EPHA5: variants seen among roughly 807,000 people sequenced by gnomAD.
The protein encoded by EPHA5 is EPH receptor A5.
A neutral mutation model predicts 105.0 loss-of-function variants in EPHA5; 60 were observed. That is an observed-to-expected ratio of 0.57 (90% CI 0.46 to 0.71). EPHA5 has a LOEUF of 0.71. Among genes scored for constraint, EPHA5 ranks in the 30% least tolerant of loss-of-function variants. The pLI is 0.00. For synonymous variants in EPHA5, 513 were observed against 449.1 expected, an observed-to-expected ratio of 1.14 and a Z score of -1.80; for missense variants, 1,218 against 1,274.7, an observed-to-expected ratio of 0.96 and a Z score of 0.68.
intron 2 of EPHA5, among the ~76,000 whole-genome samples, chr4:65,626,872 C>T (rs538195791): frequency 6.6e-6 from 1 of 152,236 alleles, no homozygotes; most frequent in Admixed American, 6.5e-5. Context: ...TAGTTTCTCA[C>T]TTATGTAAAT....
intron 7 of EPHA5, among the ~76,000 whole-genome samples, chr4:65,406,348 C>T (rs1375316908): frequency 6.6e-6 from 1 of 152,288 alleles, no homozygotes; most frequent in Admixed American, 6.5e-5. Context: ...GAGTGCTTCT[C>T]TATTTAACTT....
intron 8 of EPHA5, among the ~76,000 whole-genome samples, chr4:65,403,430 T>C (rs139463373): frequency 0.015 from 2,279 of 152,008 alleles, 34 homozygotes; most frequent in Middle Eastern, 0.038. Context: ...AATATTTCCA[T>C]GAAGACTTTC....
chr4:65,588,819 C>A (rs1163063842), intron 3 of EPHA5, among the ~76,000 whole-genome samples: 2 of 152,058 alleles, frequency 1.3e-5, no homozygotes, highest in Non-Finnish European at 2.9e-5. Context: ...TCGGACGGTA[C>A]CAGGTTGAGT....
chr4:65,582,274 A>C (rs1741699920), intron 3 of EPHA5, among the ~76,000 whole-genome samples: 1 of 151,694 alleles, frequency 6.6e-6, no homozygotes, highest in South Asian at 2.1e-4. Context: ...CTATTCTTAG[A>C]CTGAGACAAG....
intron 3 of EPHA5, among the ~76,000 whole-genome samples, chr4:65,524,315 A>C (rs1444394539): frequency 6.6e-6 from 1 of 151,866 alleles, no homozygotes; most frequent in African/African-American, 2.4e-5. Flanking sequence ...CTAGCCAGAG[A>C]TGACTATGTA....
chr4:65,437,479 T>C (rs761645565), intron 5 of EPHA5, among the ~76,000 whole-genome samples: 1 of 152,082 alleles, frequency 6.6e-6, no homozygotes. Context: ...AAAAGACTTT[T>C]CACTTTTTAT....
intron 3 of EPHA5, among the ~76,000 whole-genome samples, chr4:65,507,536 A>G (rs1484089249): frequency 6.6e-6 from 1 of 151,974 alleles, no homozygotes; most frequent in Non-Finnish European, 1.5e-5. Flanking sequence ...AACCTCTTTT[A>G]TTTCATTGAG....
chr4:65,331,085 G>C (rs1720569360), intron 16 of EPHA5: 1 of 1,041,496 alleles, frequency 9.6e-7, no homozygotes, highest in Non-Finnish European at 1.2e-6. Flanking sequence ...TAACAACTAT[G>C]GTTTAGTGCT....
At chr4:65,443,929 G>A (rs1726259875) in intron 5 of EPHA5, among the ~76,000 whole-genome samples, 1 of 149,688 alleles carries the variant, frequency 6.7e-6, no homozygotes, top group South Asian at 2.1e-4. Context: ...GTGTGTGTGT[G>A]CGTGCACGTG....
intron 5 of EPHA5, among the ~76,000 whole-genome samples, chr4:65,442,373 G>T (rs1231780698): frequency 6.6e-6 from 1 of 152,104 alleles, no homozygotes; most frequent in African/African-American, 2.4e-5. Flanking sequence ...AAACCAGTAA[G>T]AGAACTCTCA....
intron 5 of EPHA5, among the ~76,000 whole-genome samples, chr4:65,480,150 A>C (rs1226399657): frequency 2.0e-5 from 3 of 152,188 alleles, no homozygotes. Flanking sequence ...AAAGGATGAG[A>C]GAGGGAGAGA....
chr4:65,381,945 A>G (rs1719604000), intron 8 of EPHA5, among the ~76,000 whole-genome samples: 1 of 151,826 alleles, frequency 6.6e-6, no homozygotes, highest in Non-Finnish European at 1.5e-5. Flanking sequence ...CACCTTAAAA[A>G]TACTTGATGA....
rs186533774 is a variant in EPHA5 at position 65,401,054 on chromosome 4, G to T, written c.1793+3320C>A. Reference sequence around the variant, plus strand: ...CATGTGTGTGTGTGTGTGCATGTGTGTGTGTGTGAGAGAGAGAGAAAGAAA... The same window carrying T: ...CATGTGTGTGTGTGTGTGCATGTGTTTGTGTGTGAGAGAGAGAGAAAGAAA... On this transcript the variant is annotated intron_variant, in intron 8 of 16. Transcript: ENST00000613740. Among the ~76,000 whole-genome samples the T allele has an allele frequency of 2.1e-4, 32 of 151,974 alleles. No individual in the cohort carries two copies. The East Asian group carries it at 4.5e-3, about 21-fold the overall frequency.
intron 11 of EPHA5, among the ~76,000 whole-genome samples, chr4:65,363,452 G>A (rs1577920627): frequency 6.6e-6 from 1 of 151,546 alleles, no homozygotes; most frequent in East Asian, 1.9e-4. Flanking sequence ...ATGTAACGTG[G>A]TCTTCCATGA....
At chr4:65,503,920 CA>C (rs1732745093) in intron 3 of EPHA5, among the ~76,000 whole-genome samples, 3 of 150,918 alleles carry the variant, frequency 2.0e-5, no homozygotes, top group African/African-American at 7.3e-5. Flanking sequence ...CACACACACA[CA>C]CACACACACA....
At chr4:65,406,775 T>A (rs1722399689) in intron 7 of EPHA5, among the ~76,000 whole-genome samples, 1 of 152,102 alleles carries the variant, frequency 6.6e-6, no homozygotes, top group Non-Finnish European at 1.5e-5. Flanking sequence ...TACATAAAAA[T>A]TAACATGTTT....
At chr4:65,574,262 C>T in intron 3 of EPHA5, 1 of 1,592,050 alleles carries the variant, frequency 6.3e-7, no homozygotes, top group South Asian at 1.1e-5. Context: ...TTCCTCAGCT[C>T]CAGGGCTAGT....
intron 5 of EPHA5, among the ~76,000 whole-genome samples, chr4:65,449,149 G>A (rs558748923): frequency 2.0e-5 from 3 of 151,886 alleles, no homozygotes; most frequent in African/African-American, 7.3e-5. Context: ...ATTTTAAAAA[G>A]GATTATTCCT....
chr4:65,668,562 T>C (rs10000907), intron 1 of EPHA5, among the ~76,000 whole-genome samples: 5 of 152,032 alleles, frequency 3.3e-5, no homozygotes, highest in African/African-American at 4.8e-5. Context: ...GAGCAAGCGC[T>C]GCTGGAGGGG....
Sources: gnomAD v4.1 joint callset for allele counts (sites outside exome capture counted in the v4.1 genomes callset) on GRCh38, gnomAD v4.1.1 for gene constraint, MANE v1.5 for transcripts, NCBI Gene and HGNC (gene_info 2026-07-23, HGNC 2026-07-21) for gene names.